GRIK4: variants seen among roughly 807,000 people sequenced by gnomAD.
GRIK4 encodes the protein glutamate receptor ionotropic, kainate 4.
GRIK4 carries 40 observed loss-of-function variants against 104.9 expected under a neutral mutation model. That is an observed-to-expected ratio of 0.38 (90% CI 0.30 to 0.50). GRIK4 has a LOEUF of 0.50. Among genes scored for constraint, GRIK4 ranks in the 20% least tolerant of loss-of-function variants. The probability of loss-of-function intolerance (pLI) is 0.93; values close to 1 mark genes in which losing one functional copy is unlikely to be tolerated. For synonymous variants in GRIK4, 485 were observed against 524.9 expected (o/e 0.92, Z 1.04); for missense variants, 1,047 against 1,308.1 (o/e 0.80, Z 3.08).
chr11:120,661,831 TA>T (rs113906138), intron 3 of GRIK4, among the ~76,000 whole-genome samples: 1 of 151,478 alleles, frequency 6.6e-6, no homozygotes, highest in Non-Finnish European at 1.5e-5. Context: ...TCTGCATGCT[TA>T]AAAAAAAAGA....
chr11:120,536,858 G>A (rs1413552137), intron 1 of GRIK4, among the ~76,000 whole-genome samples: 1 of 152,226 alleles, frequency 6.6e-6, no homozygotes, highest in Non-Finnish European at 1.5e-5. Flanking sequence ...ACAGAGCGGG[G>A]GAGGCCTGAT....
At chr11:120,573,192 G>A (rs1044302167) in intron 1 of GRIK4, among the ~76,000 whole-genome samples, 1 of 152,208 alleles carries the variant, frequency 6.6e-6, no homozygotes, top group Non-Finnish European at 1.5e-5. Context: ...GTCTGCTAGA[G>A]TGAGCCCCGT....
intron 1 of GRIK4, among the ~76,000 whole-genome samples, chr11:120,636,783 T>C (rs185418861): frequency 2.6e-5 from 4 of 152,014 alleles, no homozygotes; most frequent in Admixed American, 1.3e-4. Flanking sequence ...GAGTTTGCAG[T>C]GAGCCAAGAT....
intron 1 of GRIK4, among the ~76,000 whole-genome samples, chr11:120,644,979 C>T (rs1949522554): frequency 6.6e-6 from 1 of 152,072 alleles, no homozygotes; most frequent in East Asian, 1.9e-4. Context: ...TTCTTAGGTG[C>T]CTAAAACCTG....
chr11:120,780,716 T>TTTG (rs1565347613), intron 3 of GRIK4, among the ~76,000 whole-genome samples: 8 of 152,102 alleles, frequency 5.3e-5, no homozygotes, highest in Non-Finnish European at 1.2e-4. Flanking sequence ...CCGGGGTTTT[T>TTTG]TTTGTTTGTT....
intron 11 of GRIK4, among the ~76,000 whole-genome samples, chr11:120,897,085 C>T (rs1221582172): frequency 6.6e-5 from 10 of 150,524 alleles, no homozygotes; most frequent in Non-Finnish European, 8.9e-5. Context: ...GAGGCCAAGG[C>T]GGGAGGATTA....
chr11:120,950,676 T>C (rs955664386), intron 14 of GRIK4, among the ~76,000 whole-genome samples: 3 of 152,218 alleles, frequency 2.0e-5, no homozygotes, highest in African/African-American at 7.2e-5. Flanking sequence ...TTACTGCTTC[T>C]GGACTCTGTA....
At chr11:120,649,509 C>T (rs2000873) in intron 1 of GRIK4, among the ~76,000 whole-genome samples, 3 of 152,026 alleles carry the variant, frequency 2.0e-5, no homozygotes, top group South Asian at 2.1e-4. Flanking sequence ...CACGAACAGC[C>T]GTTCCAGTGC....
chr11:120,882,238 G>C (rs558961691), intron 11 of GRIK4, among the ~76,000 whole-genome samples: 1 of 152,182 alleles, frequency 6.6e-6, no homozygotes, highest in African/African-American at 2.4e-5. Flanking sequence ...CAGGTTGAGG[G>C]GGGTGGGAGG....
At chr11:120,754,593 C>T (rs1490350462) in intron 3 of GRIK4, among the ~76,000 whole-genome samples, 2 of 152,172 alleles carry the variant, frequency 1.3e-5, no homozygotes, top group Non-Finnish European at 2.9e-5. Flanking sequence ...TTTCGATTCT[C>T]TTGGATATAT....
chr11:120,800,980 T>G (rs1229607110), intron 3 of GRIK4, among the ~76,000 whole-genome samples: 1 of 152,216 alleles, frequency 6.6e-6, no homozygotes, highest in Non-Finnish European at 1.5e-5. Context: ...ACTTTAAGTA[T>G]ATAATTCAGT....
At position 120,981,955 on chromosome 11, in the gene GRIK4, G is replaced by T. The variant is rs914083221; in HGVS notation, c.2396-151G>T. On this transcript the variant is annotated intron_variant, in intron 19 of 20. Coordinates refer to ENST00000527524, the MANE Select transcript of GRIK4 (RefSeq NM_014619.5). ...AAATAATTAAATATCTTCAAGGACT[G>T]GGTGTCTACATGTCAAGTAGATGCA... is the stretch of plus-strand genomic sequence containing the variant. 1.1e-5 allele frequency: 7 copies of T among 662,750 alleles called. No individual in the cohort carries two copies. In the African/African-American group the frequency reaches 1.1e-4, roughly 10 times the overall value. 41.1% of individuals were successfully genotyped at this position (662,750 alleles called of 1,614,324 possible).
intron 3 of GRIK4, among the ~76,000 whole-genome samples, chr11:120,783,846 GA>G (rs975513409): frequency 1.1e-4 from 16 of 152,100 alleles, no homozygotes; most frequent in African/African-American, 3.9e-4. Flanking sequence ...TAGTGTCCAG[GA>G]AAAAAACGAT....
At chr11:120,888,156 C>T (rs147093648) in intron 11 of GRIK4, among the ~76,000 whole-genome samples, 5 of 152,290 alleles carry the variant, frequency 3.3e-5, no homozygotes, top group Admixed American at 6.5e-5. Context: ...CAGGCAGGAA[C>T]GCTTGTGGCA....
In GRIK4 at chr11:120,962,615, A is replaced by C; in HGVS notation, c.2200A>C (p.Asn734His). Reference sequence around the variant, plus strand: ...CATGAACGAGTACTATCGGCAGCGAAACTGCAACCTCACTCAGATTGGGGG... The same window carrying C: ...CATGAACGAGTACTATCGGCAGCGACACTGCAACCTCACTCAGATTGGGGG... Reference protein sequence around the residue: ...STMNEYYRQRNCNLTQIGGLL... With the variant: ...STMNEYYRQRHCNLTQIGGLL... Residue 734 changes from asparagine to histidine, a missense_variant, in exon 18 of 21, where the codon AAC (asparagine) becomes CAC (histidine). Transcript: ENST00000527524. 1 of 1,614,150 alleles carries C rather than the reference A, an allele frequency of 6.2e-7. No homozygotes were observed. Among genetic ancestry groups the C allele is most frequent in the African/African-American group, 1.3e-5 (1 of 75,020 alleles).
intron 2 of GRIK4, 96 bp from the exon 3 acceptor site, chr11:120,660,173 A>C: frequency 1.6e-6 from 1 of 631,514 alleles, no homozygotes; most frequent in South Asian, 1.9e-5. Context: ...AGGAAAGACA[A>C]AGGGGCCTCT....
intron 3 of GRIK4, among the ~76,000 whole-genome samples, chr11:120,777,950 A>G (rs1363006833): frequency 7.7e-5 from 11 of 143,642 alleles, no homozygotes; most frequent in East Asian, 2.0e-4. Flanking sequence ...AAAAAAAAAG[A>G]AAAAAAAAAA....
At chr11:120,586,046 A>G (rs895927321) in intron 1 of GRIK4, among the ~76,000 whole-genome samples, 1 of 152,164 alleles carries the variant, frequency 6.6e-6, no homozygotes, top group Non-Finnish European at 1.5e-5. Flanking sequence ...TTCAGGACAG[A>G]GGTAAGAGCT....
intron 6 of GRIK4, among the ~76,000 whole-genome samples, chr11:120,823,577 G>A (rs1953178528): frequency 6.6e-6 from 1 of 152,174 alleles, no homozygotes; most frequent in Admixed American, 6.5e-5. Flanking sequence ...TCTTCAAGCT[G>A]GCTCTTCCCT....
Sources: allele counts gnomAD v4.1 joint callset (sites outside exome capture counted in the v4.1 genomes callset), GRCh38; gene constraint gnomAD v4.1.1; transcripts MANE v1.5; gene names NCBI Gene and HGNC (gene_info 2026-07-23, HGNC 2026-07-21).